EPHB1: variants seen among roughly 807,000 people sequenced by gnomAD.
EPHB1 encodes EPH receptor B1, also known as ephrin type-B receptor 1.
In EPHB1, 30 loss-of-function variants were observed where a neutral mutation model predicts 94.4. The ratio of observed to expected loss-of-function variants is 0.32; its 90% CI spans 0.24 to 0.43. The LOEUF (loss-of-function observed/expected upper bound fraction) is 0.43. Among genes scored for constraint, EPHB1 ranks in the 20% least tolerant of loss-of-function variants. EPHB1 has a pLI of 1.00. For synonymous variants in EPHB1, 522 were observed against 489.1 expected, an observed-to-expected ratio of 1.07 and a Z score of -0.89; for missense variants, 1,055 against 1,308.3, an observed-to-expected ratio of 0.81 and a Z score of 2.99.
intron 3 of EPHB1, among the ~76,000 whole-genome samples, chr3:135,100,193 C>T (rs577719584): frequency 6.6e-6 from 1 of 152,230 alleles, no homozygotes; most frequent in South Asian, 2.1e-4. Flanking sequence ...TGCGGTGTAG[C>T]TCTGACCCCC....
rs1310826251 is a variant in EPHB1, at chr3:134,795,652, A to G, written c.21A>G (p.Leu7=). ...CGGCGATGGCCCTGGATTATCTACT[A>G]CTGCTCCTCCTGGCATCCGCAGTGG... The part of the protein sequence containing the change: MALDYL[L]LLLLASAVAA... The change falls in exon 1 of 16, where the codon CTA becomes CTG. Residue 7 remains leucine, a synonymous_variant. Coordinates refer to ENST00000398015, the MANE Select transcript of EPHB1 (RefSeq NM_004441.5). The G allele has an allele frequency of 1.9e-6, 3 of 1,609,332 alleles. No homozygotes were observed. Among genetic ancestry groups the G allele is most frequent in the Admixed American group, 3.3e-5 (2 of 59,826 alleles).
chr3:135,099,139 T>C (rs924958511), intron 3 of EPHB1, among the ~76,000 whole-genome samples: 3 of 152,186 alleles, frequency 2.0e-5, no homozygotes, highest in Admixed American at 6.5e-5. Flanking sequence ...AGCTTTTATC[T>C]TTTGTGTCTT....
chr3:135,222,390 A>G (rs1416734353), intron 12 of EPHB1, among the ~76,000 whole-genome samples: 1 of 152,064 alleles, frequency 6.6e-6, no homozygotes, highest in Non-Finnish European at 1.5e-5. Context: ...TAAATGGGGG[A>G]GTGATGCCAG....
At chr3:134,982,890 G>A (rs1325736212) in intron 3 of EPHB1, among the ~76,000 whole-genome samples, 8 of 151,916 alleles carry the variant, frequency 5.3e-5, no homozygotes, top group African/African-American at 7.2e-5. Context: ...GGTTTACATC[G>A]GGGATCAACA....
At chr3:135,066,554 T>C (rs1426537302) in intron 3 of EPHB1, among the ~76,000 whole-genome samples, 1 of 152,236 alleles carries the variant, frequency 6.6e-6, no homozygotes, top group Non-Finnish European at 1.5e-5. Flanking sequence ...GTTTTGATTG[T>C]TTTTTCTTTA....
chr3:134,870,036 G>A (rs932330008), intron 1 of EPHB1, among the ~76,000 whole-genome samples: 2 of 152,192 alleles, frequency 1.3e-5, no homozygotes, highest in African/African-American at 4.8e-5. Flanking sequence ...CAAAGAAAGA[G>A]CAGATAAGCA....
At chr3:135,215,453 A>T (rs2107717661) in intron 12 of EPHB1, among the ~76,000 whole-genome samples, 1 of 152,222 alleles carries the variant, frequency 6.6e-6, no homozygotes, top group Non-Finnish European at 1.5e-5. Context: ...ATGAGCCACC[A>T]CGCCCGGCCC....
chr3:134,804,474 G>A (rs2108283515), intron 1 of EPHB1, among the ~76,000 whole-genome samples: 1 of 152,212 alleles, frequency 6.6e-6, no homozygotes, highest in African/African-American at 2.4e-5. Context: ...CCATATCAAT[G>A]TCCATCTAGA....
chr3:134,908,433 A>G (rs1453282124), intron 1 of EPHB1, among the ~76,000 whole-genome samples: 2 of 152,066 alleles, frequency 1.3e-5, no homozygotes, highest in East Asian at 1.9e-4. Flanking sequence ...TATCCTACCC[A>G]GGCAGCCTGC....
chr3:135,115,012 A>C (rs960375732), intron 4 of EPHB1, among the ~76,000 whole-genome samples: 5 of 152,132 alleles, frequency 3.3e-5, no homozygotes, highest in Non-Finnish European at 7.4e-5. Flanking sequence ...CAGGCTAATA[A>C]ATTTTTAGAG....
intron 1 of EPHB1, among the ~76,000 whole-genome samples, chr3:134,840,936 A>C (rs1168278250): frequency 3.3e-5 from 5 of 152,184 alleles, no homozygotes; most frequent in African/African-American, 1.2e-4. Flanking sequence ...CGCTGTTAAC[A>C]GCAGTCTCCA....
Position 135,179,845 on chromosome 3 carries a change from A to G in EPHB1, c.1760-15A>G. ...CCTCTTTGGGATGTTAACCCTGCTT[A>G]TCTCCTCCAACAAGGCTCCCCAGGG... On this transcript the variant is annotated splice_polypyrimidine_tract_variant and intron_variant, in intron 9 of 15. Transcript: ENST00000398015. The G allele has an allele frequency of 1.2e-6, 2 of 1,613,568 alleles. No homozygotes were observed. The highest frequency in any genetic ancestry group is 1.7e-6 in the Non-Finnish European group (2 of 1,179,608).
intron 12 of EPHB1, among the ~76,000 whole-genome samples, chr3:135,225,159 C>T (rs974644673): frequency 6.6e-6 from 1 of 152,194 alleles, no homozygotes; most frequent in Non-Finnish European, 1.5e-5. Flanking sequence ...GCCCTGCCCC[C>T]ACCTCCACCT....
intron 5 of EPHB1, among the ~76,000 whole-genome samples, chr3:135,143,268 A>G (rs1940891402): frequency 6.6e-6 from 1 of 152,122 alleles, no homozygotes; most frequent in Non-Finnish European, 1.5e-5. Context: ...AAGAGTGGGC[A>G]TGGCAGGATG....
At chr3:135,042,991 G>A (rs1327913040) in intron 3 of EPHB1, among the ~76,000 whole-genome samples, 2 of 151,918 alleles carry the variant, frequency 1.3e-5, no homozygotes, top group African/African-American at 4.8e-5. Flanking sequence ...ACAGGCATAC[G>A]CCACCATACC....
chr3:135,027,708 G>A (rs1475139037), intron 3 of EPHB1, among the ~76,000 whole-genome samples: 7 of 147,602 alleles, frequency 4.7e-5, no homozygotes, highest in Admixed American at 2.8e-4. Flanking sequence ...GTCTCTGCCC[G>A]GCTTTGGTAT....
intron 8 of EPHB1, 112 bp from the exon 9 acceptor site, chr3:135,166,830 C>A: frequency 8.9e-7 from 1 of 1,118,620 alleles, no homozygotes; most frequent in Non-Finnish European, 1.3e-6. Context: ...GTCCCTAATC[C>A]TGGGAGATGC....
intron 9 of EPHB1, among the ~76,000 whole-genome samples, chr3:135,177,258 G>T (rs1942006586): frequency 6.6e-6 from 1 of 152,160 alleles, no homozygotes; most frequent in Non-Finnish European, 1.5e-5. Context: ...CCCAGCATCT[G>T]GGCTGTTTAC....
At chr3:134,893,874 C>G (rs1036512807) in intron 1 of EPHB1, among the ~76,000 whole-genome samples, 4 of 152,208 alleles carry the variant, frequency 2.6e-5, no homozygotes, top group Admixed American at 2.0e-4. Flanking sequence ...ATCCACAGAC[C>G]TAGCAGAGTG....
Sources: gnomAD v4.1 joint callset for allele counts (sites outside exome capture counted in the v4.1 genomes callset) on GRCh38, gnomAD v4.1.1 for gene constraint, MANE v1.5 for transcripts, NCBI Gene and HGNC (gene_info 2026-07-23, HGNC 2026-07-21) for gene names.